The following HNF1B variants were observed in gnomAD, a reference collection of about 807,000 sequenced individuals.
The protein encoded by HNF1B is HNF1 homeobox B, also known as hepatocyte nuclear factor 1-beta.
In HNF1B, 8 loss-of-function variants were observed where a neutral mutation model predicts 61.7. The ratio of observed to expected loss-of-function variants is 0.13; its 90% confidence interval spans 0.08 to 0.23. The LOEUF is 0.23. Ranked by LOEUF, HNF1B falls within the 10% of genes least tolerant of loss-of-function variation. HNF1B has a pLI of 1.00. For synonymous variants in HNF1B, 314 were observed against 287.7 expected (o/e 1.09, Z -0.93); for missense variants, 562 against 714.5 (o/e 0.79, Z 2.43).
intron 4 of HNF1B, among the ~76,000 whole-genome samples, chr17:37,716,941 TG>T (rs1001472213): frequency 1.3e-5 from 2 of 152,102 alleles, no homozygotes; most frequent in Non-Finnish European, 2.9e-5. Context: ...TTGGCATTTT[TG>T]TCTGTGAAAG....
chr17:37,693,687 C>T (rs1351229496), intron 8 of HNF1B, among the ~76,000 whole-genome samples: 1 of 152,172 alleles, frequency 6.6e-6, no homozygotes, highest in Non-Finnish European at 1.5e-5. Flanking sequence ...TCCTTGATAC[C>T]TAGTGATATG....
chr17:37,739,807 G>A (rs111325474), intron 1 of HNF1B, among the ~76,000 whole-genome samples, 168 bp from the exon 2 acceptor site: 1 of 152,114 alleles, frequency 6.6e-6, no homozygotes, highest in East Asian at 1.9e-4. Flanking sequence ...AAACAGAGGA[G>A]AAGGTGACTG....
rs1204664207 is a variant in HNF1B, at chr17:37,739,659, G to A, written c.345-20C>T. ...TCCTCACTAGACAGACAAGCAGATGGTTAGGGTACTAGTGGGAGACATCTG... is the reference window on the plus strand; with the variant it reads ...TCCTCACTAGACAGACAAGCAGATGATTAGGGTACTAGTGGGAGACATCTG... On this transcript the variant is annotated intron_variant, in intron 1 of 8. Transcript: ENST00000617811. The A allele has an allele frequency of 9.4e-6, 15 of 1,588,270 alleles. No individual in the cohort carries two copies. In the East Asian group the frequency reaches 2.7e-4, roughly 28 times the overall value.
At position 37,731,663 on chromosome 17, in the gene HNF1B, A is replaced by G; in HGVS notation, c.977T>C (p.Leu326Pro). 6.2e-7 allele frequency: 1 copy of G among 1,614,150 alleles called. No individual in the cohort carries two copies. The change falls in exon 4 of 9, where the codon CTG becomes CCG. Residue 326 changes from leucine to proline, a missense_variant. Leu to Pro is a moderately conservative substitution (Grantham distance 98). Around this residue, in one of 6 missense-constraint regions of HNF1B, gnomAD observed 211 missense variants for 200.7 expected, o/e 1.05. Coordinates refer to ENST00000617811, the MANE Select transcript of HNF1B (RefSeq NM_000458.4). ...DAYSSNQTHSLNPLLSHGSPH... is the reference protein window; with the variant it reads ...DAYSSNQTHSPNPLLSHGSPH... ...GGAGCCGTGGGAGAGCAGAGGGTTC[A>G]GGCTGTGAGTCTGGTTGGAGCTATA...
chr17:37,729,020 G>A (rs2033600777), intron 4 of HNF1B: 1 of 152,350 alleles, frequency 6.6e-6, no homozygotes, highest in South Asian at 2.1e-4. Context: ...AATGTTAAGA[G>A]TCATAATGAG....
intron 5 of HNF1B, among the ~76,000 whole-genome samples, 176 bp downstream of exon 5, chr17:37,710,327 T>C (rs2032888777): frequency 6.6e-6 from 1 of 152,214 alleles, no homozygotes; most frequent in Admixed American, 6.5e-5. Flanking sequence ...ACACCTCTTC[T>C]ACCCGCCAAA....
chr17:37,723,807 G>A (rs2033403645), intron 4 of HNF1B, among the ~76,000 whole-genome samples: 1 of 152,218 alleles, frequency 6.6e-6, no homozygotes, highest in South Asian at 2.1e-4. Flanking sequence ...TACTATTTAT[G>A]AGAATCTGGT....
intron 4 of HNF1B, among the ~76,000 whole-genome samples, chr17:37,719,370 A>G (rs2033231363): frequency 6.6e-6 from 1 of 152,228 alleles, no homozygotes; most frequent in African/African-American, 2.4e-5. Context: ...ACATTTGAAG[A>G]ACCGAGTTTG....
At chr17:37,719,517 G>A (rs1453686829) in intron 4 of HNF1B, among the ~76,000 whole-genome samples, 9 of 152,240 alleles carry the variant, frequency 5.9e-5, no homozygotes, top group East Asian at 1.9e-4. Context: ...GGTGGACATC[G>A]TTAGGCCTAA....
intron 2 of HNF1B, among the ~76,000 whole-genome samples, chr17:37,734,476 C>A (rs184790721): frequency 1.3e-5 from 2 of 152,326 alleles, no homozygotes; most frequent in East Asian, 3.9e-4. Context: ...AAATGATGCT[C>A]CCTGTCTGTC....
chr17:37,705,428 ACTGT>A (rs565819498), intron 5 of HNF1B, among the ~76,000 whole-genome samples: 47 of 152,344 alleles, frequency 3.1e-4, no homozygotes, highest in Non-Finnish European at 5.4e-4. Context: ...TCTATTGTTG[ACTGT>A]CTGAGTTACT....
intron 8 of HNF1B, among the ~76,000 whole-genome samples, chr17:37,688,380 A>AC (rs2032055093): frequency 3.7e-5 from 5 of 136,102 alleles, no homozygotes; most frequent in African/African-American, 8.3e-5. Flanking sequence ...GATCCCCCCA[A>AC]ACACACACAC....
intron 1 of HNF1B, among the ~76,000 whole-genome samples, chr17:37,741,264 T>C (rs183353021): frequency 1.5e-3 from 229 of 152,350 alleles, no homozygotes; most frequent in African/African-American, 5.2e-3. Context: ...TAATCGAACA[T>C]ATTTTATAAG....
intron 7 of HNF1B, among the ~76,000 whole-genome samples, chr17:37,700,341 G>A (rs1191439800): frequency 2.0e-5 from 3 of 152,184 alleles, no homozygotes; most frequent in Admixed American, 6.5e-5. Context: ...TCGAAAGGTA[G>A]GCTTGGGGTA....
At chr17:37,702,248 C>T (rs1428306498) in intron 6 of HNF1B, among the ~76,000 whole-genome samples, 2 of 152,104 alleles carry the variant, frequency 1.3e-5, no homozygotes, top group Admixed American at 6.5e-5. Flanking sequence ...GAAATGGAGA[C>T]GGTTTCATAG....
chr17:37,706,336 A>T (rs2032747327), intron 5 of HNF1B, among the ~76,000 whole-genome samples: 1 of 152,098 alleles, frequency 6.6e-6, no homozygotes, highest in Non-Finnish European at 1.5e-5. Flanking sequence ...TGAGAGCATC[A>T]GGAACCCCGA....
chr17:37,744,867 C>T lies in HNF1B; in HGVS notation c.18G>A (p.Thr6=). 1 of 1,340,466 alleles carries T rather than the reference C, an allele frequency of 7.5e-7. No individual in the cohort carries two copies. The highest frequency in any genetic ancestry group is 9.9e-7 in the Non-Finnish European group (1 of 1,014,882). 83.0% of individuals were successfully genotyped at this position (1,340,466 alleles called of 1,614,324 possible). MVSKL[T]SLQQELLSAL... ...CGCTCAGGAGTTCTTGCTGGAGCGA[C>T]GTGAGCTTGGACACCATTTTCCAAG... The change falls in exon 1 of 9, where the codon ACG becomes ACA. Residue 6 remains threonine, a synonymous_variant. Coordinates refer to ENST00000617811, the MANE Select transcript of HNF1B (RefSeq NM_000458.4).
chr17:37,724,934 GTGTA>G (rs71970017), intron 4 of HNF1B, among the ~76,000 whole-genome samples: 2,233 of 69,518 alleles, frequency 0.032, 19 homozygotes, highest in South Asian at 0.05. Context: ...GTGTGTGTGT[GTGTA>G]TATATATATA....
At chr17:37,732,980 T>G (rs2033733438) in intron 3 of HNF1B, among the ~76,000 whole-genome samples, 1 of 152,064 alleles carries the variant, frequency 6.6e-6, no homozygotes, top group Non-Finnish European at 1.5e-5. Flanking sequence ...CGTGCCTGGC[T>G]GGTAGTTAAC....
Sources: allele counts gnomAD v4.1 joint callset (sites outside exome capture counted in the v4.1 genomes callset), GRCh38; gene constraint gnomAD v4.1.1; regional missense constraint gnomAD v4.1.1; transcripts MANE v1.5; gene names NCBI Gene and HGNC (gene_info 2026-07-23, HGNC 2026-07-21).